Variants in EZH2 observed in about 807,000 individuals in gnomAD.
The protein encoded by EZH2 is histone-lysine N-methyltransferase EZH2.
A neutral mutation model predicts 98.4 loss-of-function variants in EZH2; 18 were observed. The observed-to-expected ratio is 0.18, with a 90% CI of 0.13 to 0.27. EZH2 has a LOEUF of 0.27. Among genes scored for constraint, EZH2 ranks in the 10% least tolerant of loss-of-function variants. The pLI, the probability that EZH2 is intolerant of heterozygous loss-of-function variation, is 1.00. For missense variants in EZH2, 470 were observed against 935.1 expected, an observed-to-expected ratio of 0.50 and a Z score of 6.49; for synonymous variants, 338 against 312.3, an observed-to-expected ratio of 1.08 and a Z score of -0.87.
intron 7 of EZH2, among the ~76,000 whole-genome samples, 178 bp from the exon 8 acceptor site, chr7:148,826,810 A>G (rs568743228): frequency 4.3e-4 from 66 of 152,368 alleles, no homozygotes; most frequent in African/African-American, 1.5e-3. Context: ...TCAAGAATCA[A>G]ATTCATCGAT....
chr7:148,814,166 C>G (rs201084487), intron 14 of EZH2, 29 bp from the exon 15 acceptor site: 18 of 1,604,990 alleles, frequency 1.1e-5, no homozygotes, highest in Non-Finnish European at 8.5e-7. Context: ...AGGTTCTTCA[C>G]TCATCACCGT....
intron 3 of EZH2, among the ~76,000 whole-genome samples, chr7:148,841,486 A>G (rs1812427730): frequency 6.6e-6 from 1 of 152,202 alleles, no homozygotes; most frequent in African/African-American, 2.4e-5. Context: ...GTATATGTTC[A>G]GACTAAGAGT....
At chr7:148,845,253 A>G (rs999707376) in intron 3 of EZH2, among the ~76,000 whole-genome samples, 3 of 152,220 alleles carry the variant, frequency 2.0e-5, no homozygotes, top group Non-Finnish European at 2.9e-5. Context: ...CAAAGCAATT[A>G]CTTAAAAGCC....
intron 3 of EZH2, among the ~76,000 whole-genome samples, chr7:148,835,423 CAAA>C (rs545080861): frequency 1.7e-4 from 12 of 71,390 alleles, no homozygotes; most frequent in Admixed American, 3.2e-4. Flanking sequence ...GACCCCGCCT[CAAA>C]AAAAAAAAAA....
intron 3 of EZH2, among the ~76,000 whole-genome samples, chr7:148,838,859 C>T (rs902866417): frequency 6.6e-6 from 1 of 152,086 alleles, no homozygotes; most frequent in Admixed American, 6.5e-5. Context: ...TCAAGACCAG[C>T]CTAGCCAACA....
At chr7:148,839,418 T>G (rs889772370) in intron 3 of EZH2, among the ~76,000 whole-genome samples, 1 of 151,316 alleles carries the variant, frequency 6.6e-6, no homozygotes, top group Non-Finnish European at 1.5e-5. Context: ...GAAAGATAGG[T>G]AGATAATTTA....
intron 12 of EZH2, 121 bp downstream of exon 12, chr7:148,816,563 A>T: frequency 1.5e-6 from 1 of 654,002 alleles, no homozygotes; most frequent in Non-Finnish European, 2.7e-6. Flanking sequence ...TCTGTTTTTG[A>T]TGGCAGTTTA....
chr7:148,807,760 T>TAA, intron 19 of EZH2, 54 bp from the exon 20 acceptor site: 1 of 1,019,874 alleles, frequency 9.8e-7, no homozygotes, highest in Non-Finnish European at 1.4e-6. Flanking sequence ...CAACATGTGC[T>TAA]GAGACTTAAC....
intron 1 of EZH2, among the ~76,000 whole-genome samples, chr7:148,867,973 A>G (rs1290033356): frequency 3.3e-5 from 5 of 152,184 alleles, no homozygotes; most frequent in Admixed American, 1.3e-4. Flanking sequence ...CAGTTCCCCA[A>G]TAAGTTCCTC....
intron 3 of EZH2, among the ~76,000 whole-genome samples, chr7:148,841,819 CCTT>C (rs1355234629): frequency 6.6e-6 from 1 of 152,008 alleles, no homozygotes; most frequent in Non-Finnish European, 1.5e-5. Context: ...TTTTTCTTCT[CCTT>C]CAACAAAAAT....
chr7:148,867,240 C>T (rs1459743768), intron 1 of EZH2, among the ~76,000 whole-genome samples: 1 of 151,952 alleles, frequency 6.6e-6, no homozygotes, highest in Non-Finnish European at 1.5e-5. Flanking sequence ...GCAGGAGAAT[C>T]ACTTGAACCC....
intron 1 of EZH2, among the ~76,000 whole-genome samples, chr7:148,857,077 G>T (rs930308607): frequency 3.9e-5 from 6 of 152,262 alleles, no homozygotes; most frequent in Non-Finnish European, 7.3e-5. Context: ...ATGAGATGGG[G>T]ATTTCACCTC....
chr7:148,811,828 C>T (rs921650099), intron 15 of EZH2, 108 bp from the exon 16 acceptor site: 1 of 916,268 alleles, frequency 1.1e-6, no homozygotes, highest in East Asian at 2.6e-5. Context: ...AATCCTCAGA[C>T]CTGTTTGTTC....
intron 1 of EZH2, among the ~76,000 whole-genome samples, chr7:148,869,423 G>A (rs1819008511): frequency 7.1e-6 from 1 of 141,210 alleles, no homozygotes; most frequent in African/African-American, 2.7e-5. Context: ...ACGGCTCACT[G>A]CAGTCTCTAC....
intron 1 of EZH2, among the ~76,000 whole-genome samples, chr7:148,883,002 T>A (rs1821229348): frequency 6.6e-6 from 1 of 152,234 alleles, no homozygotes; most frequent in Admixed American, 6.5e-5. Context: ...CACACATTTG[T>A]CATAGCCATT....
intron 1 of EZH2, among the ~76,000 whole-genome samples, chr7:148,873,491 CAAAAAAAAA>C (rs1162280467): frequency 3.4e-5 from 2 of 58,538 alleles, no homozygotes; most frequent in African/African-American, 1.2e-4. Flanking sequence ...GACTCTGTCT[CAAAAAAAAA>C]AAAAAAAAAA....
At position 148,807,531 on chromosome 7, in the gene EZH2, A is replaced by ACTT. The variant is rs1467082608; in HGVS notation, c.*112_*114dup. 1.2e-6 allele frequency: 1 copy of ACTT among 833,438 alleles called. No individual in the cohort carries two copies. The highest frequency in any genetic ancestry group is 2.7e-5 in the East Asian group (1 of 37,422). 51.6% of individuals were successfully genotyped at this position (833,438 alleles called of 1,614,324 possible). ...CATTACTATAAATTATTCTTACAGT[A>ACTT]CTTTGCAAATTCAGAATTTCAAACT... On this transcript the variant is annotated 3_prime_UTR_variant, in exon 20 of 20. Coordinates refer to ENST00000320356, the MANE Select transcript of EZH2 (RefSeq NM_004456.5).
At chr7:148,883,885 GC>G (rs528841467) in intron 1 of EZH2, among the ~76,000 whole-genome samples, 1 of 151,702 alleles carries the variant, frequency 6.6e-6, no homozygotes, top group Admixed American at 6.6e-5. Context: ...CGGGAAAGGA[GC>G]CCCCCACACG....
intron 1 of EZH2, among the ~76,000 whole-genome samples, chr7:148,873,512 AAAGATCATT>A (rs1819729143): frequency 1.4e-5 from 2 of 147,034 alleles, no homozygotes; most frequent in Admixed American, 1.4e-4. Flanking sequence ...AAAAAAAAAG[AAAGATCATT>A]GTAAGATCAG....
Sources: gnomAD v4.1 joint callset for allele counts (sites outside exome capture counted in the v4.1 genomes callset) on GRCh38, gnomAD v4.1.1 for gene constraint, MANE v1.5 for transcripts, NCBI Gene and HGNC (gene_info 2026-07-23, HGNC 2026-07-21) for gene names.